Variants in MAJIN observed in about 807,000 individuals in gnomAD.
The protein encoded by MAJIN is membrane anchored junction protein, also known as membrane-anchored junction protein.
A neutral mutation model predicts 30.2 loss-of-function variants in MAJIN; 27 were observed. That is an observed-to-expected ratio of 0.89 (90% CI 0.66 to 1.23). MAJIN has a LOEUF of 1.23. MAJIN is among the 50% of genes most tolerant of loss of function. The pLI, the probability that MAJIN is intolerant of heterozygous loss-of-function variation, is 0.00. For missense variants in MAJIN, 253 were observed against 260.3 expected (o/e 0.97, Z 0.19); for synonymous variants, 78 against 91.6 (o/e 0.85, Z 0.85).
In MAJIN at chr11:64,958,529, G is replaced by A. The variant is rs144832230; in HGVS notation, c.101+776C>T. On this transcript the variant is annotated intron_variant, in intron 3 of 10. Coordinates refer to ENST00000301896, the MANE Select transcript of MAJIN (RefSeq NM_001037225.3). ...AGCTTCTCTGGAAGCTGAGGTGGGA[G>A]GATCCCTTGAGCCCAGCAGGTCAAG... Among the ~76,000 whole-genome samples the A allele has an allele frequency of 1.1e-3, 169 of 149,790 alleles. No homozygotes were observed. In the East Asian group the frequency reaches 0.029, roughly 25 times the overall value.
rs1407894081 is a variant in MAJIN at position 64,947,328 on chromosome 11, G to A, written c.473+46C>T. 8.5e-6 allele frequency: 13 copies of A among 1,524,582 alleles called. No homozygotes were observed. In the Admixed American group the frequency reaches 9.7e-5, roughly 11 times the overall value. 94.4% of individuals were successfully genotyped at this position (1,524,582 alleles called of 1,614,324 possible). On this transcript the variant is annotated intron_variant, in intron 8 of 10. Coordinates refer to ENST00000301896, the MANE Select transcript of MAJIN (RefSeq NM_001037225.3). Reference sequence around the variant, plus strand: ...TCAACCAACAGTAATAGCTGGCAAAGCCTAACTAGGACGCAGGAGCGAGCC... The same window carrying A: ...TCAACCAACAGTAATAGCTGGCAAAACCTAACTAGGACGCAGGAGCGAGCC...
At chr11:64,948,605 A>T (rs552824641) in intron 6 of MAJIN, among the ~76,000 whole-genome samples, 1,588 of 6,110 alleles carry the variant, frequency 0.26, 202 homozygotes, top group Non-Finnish European at 0.3. Context: ...GCTACATCAT[A>T]TATATATATA....
At chr11:64,956,672 A>G (rs1305379997) in intron 3 of MAJIN, among the ~76,000 whole-genome samples, 1 of 150,814 alleles carries the variant, frequency 6.6e-6, no homozygotes, top group African/African-American at 2.4e-5. Flanking sequence ...CGATTTGTCC[A>G]GTTTTGTCAC....
chr11:64,960,214 C>T (rs1945701378), intron 1 of MAJIN, 79 bp from the exon 2 acceptor site: 1 of 152,084 alleles, frequency 6.6e-6, no homozygotes, highest in African/African-American at 2.4e-5. Context: ...AGGATCAAAA[C>T]TAGTTATATA....
chr11:64,949,900 T>C, intron 5 of MAJIN, 32 bp from the exon 6 acceptor site: 1 of 1,597,600 alleles, frequency 6.3e-7, no homozygotes, highest in Non-Finnish European at 8.5e-7. Context: ...TAAGGAAAGA[T>C]GCCAGTATGC....
In MAJIN at chr11:64,959,367, C is replaced by T. The variant is rs1008583506; in HGVS notation, c.39G>A (p.Thr13=). Residue 13 remains threonine, a synonymous_variant, in exon 3 of 11, where the codon ACG becomes ACA. Coordinates refer to ENST00000301896, the MANE Select transcript of MAJIN (RefSeq NM_001037225.3). ...LKPFTYPFPE[T]RFLHAGPNVY... is the part of the protein sequence containing the mutation. ...CATTGGGTCCTGCATGAAGAAACCTCGTCTCTGGAAACGGGTAGGTAAAGG... is the reference window on the plus strand; with the variant it reads ...CATTGGGTCCTGCATGAAGAAACCTTGTCTCTGGAAACGGGTAGGTAAAGG... 5 of 1,613,900 alleles carry T rather than the reference C, an allele frequency of 3.1e-6. No homozygotes were observed. Among genetic ancestry groups the T allele is most frequent in the Admixed American group, 1.7e-5 (1 of 59,972 alleles).
intron 8 of MAJIN, among the ~76,000 whole-genome samples, chr11:64,946,819 A>G (rs773303506): frequency 3.3e-5 from 5 of 152,166 alleles, no homozygotes; most frequent in African/African-American, 7.2e-5. Context: ...AAAGAAGAAC[A>G]TAAGTAGCCT....
rs1565127014 is a variant in MAJIN, at chr11:64,948,622, T to TC, written c.350-804_350-803insG. Reference sequence around the variant, plus strand: ...TACATCATATATATATATATATATATATATATATATATATATATTTTTTTT... The same window carrying TC: ...TACATCATATATATATATATATATATCATATATATATATATATATTTTTTTT... On this transcript the variant is annotated intron_variant, in intron 6 of 10. Transcript: ENST00000301896. Among the ~76,000 whole-genome samples, 114 of 47,224 alleles carry TC rather than the reference T, an allele frequency of 2.4e-3. 9 individuals carry two copies. The highest frequency in any genetic ancestry group is 8.4e-3 in the African/African-American group (73 of 8,730). 31.0% of individuals were successfully genotyped at this position (47,224 alleles called of 152,430 possible). A position where few individuals can be genotyped will look rare whatever the true frequency, so the allele number is the denominator to read the frequency against.
intron 1 of MAJIN, among the ~76,000 whole-genome samples, chr11:64,966,164 A>AAGC (rs1438849033): frequency 6.6e-6 from 1 of 150,752 alleles, no homozygotes; most frequent in African/African-American, 2.4e-5. Flanking sequence ...AAAAAAAAAA[A>AAGC]AGCAGCAGCA....
intron 1 of MAJIN, among the ~76,000 whole-genome samples, chr11:64,963,351 C>T (rs1251566724): frequency 6.6e-6 from 1 of 152,164 alleles, no homozygotes; most frequent in Non-Finnish European, 1.5e-5. Context: ...TGGTAATTTG[C>T]TTCACATAAA....
chr11:64,938,780 C>CAG (rs150012989), intron 10 of MAJIN, among the ~76,000 whole-genome samples: 16 of 150,966 alleles, frequency 1.1e-4, no homozygotes, highest in South Asian at 8.3e-4. Flanking sequence ...AATGGGATGG[C>CAG]AGAGAGAGAG....
Position 64,938,370 on chromosome 11 carries a change from G to T in MAJIN, c.*205C>A. The stretch of plus-strand genomic sequence containing the variant: ...TGGGGGAAAAAATCTATTATAAAGG[G>T]GCAAAGGACACGATAAAACCACAGA... On this transcript the variant is annotated 3_prime_UTR_variant, in exon 11 of 11. Coordinates refer to ENST00000301896, the MANE Select transcript of MAJIN (RefSeq NM_001037225.3). 1 of 750,994 alleles carries T rather than the reference G, an allele frequency of 1.3e-6. No individual in the cohort carries two copies. The highest frequency in any genetic ancestry group is 2.7e-5 in the East Asian group (1 of 36,382). The allele number at this position is 750,994 out of a possible 1,614,324, so 46.5% of individuals were successfully genotyped here.
chr11:64,952,918 T>C (rs1203591146), intron 4 of MAJIN, among the ~76,000 whole-genome samples: 1 of 152,088 alleles, frequency 6.6e-6, no homozygotes, highest in Admixed American at 6.5e-5. Flanking sequence ...TTGGCCAGTC[T>C]GGTCTTAAAC....
chr11:64,966,944 A>G (rs114361292), intron 1 of MAJIN, among the ~76,000 whole-genome samples: 3,621 of 151,670 alleles, frequency 0.024, 128 homozygotes, highest in African/African-American at 0.077. Context: ...AAAAAAAAAA[A>G]AAAGAAAGAA....
intron 6 of MAJIN, among the ~76,000 whole-genome samples, chr11:64,948,948 C>T (rs895682340): frequency 5.4e-5 from 8 of 149,424 alleles, no homozygotes; most frequent in Non-Finnish European, 1.2e-4. Context: ...GCCACCATGC[C>T]CAGCCTGCAC....
intron 10 of MAJIN, among the ~76,000 whole-genome samples, chr11:64,939,354 C>T (rs538706936): frequency 3.1e-4 from 47 of 152,342 alleles, no homozygotes; most frequent in Non-Finnish European, 4.3e-4. Context: ...CCCGCCTTGG[C>T]CTCCCAAAGT....
At chr11:64,949,016 A>G (rs1328950508) in intron 6 of MAJIN, among the ~76,000 whole-genome samples, 1 of 150,958 alleles carries the variant, frequency 6.6e-6, no homozygotes, top group African/African-American at 2.4e-5. Context: ...AAAAACACCC[A>G]TGGCCTTCAG....
intron 3 of MAJIN, among the ~76,000 whole-genome samples, chr11:64,955,206 A>G (rs1268027239): frequency 1.3e-5 from 2 of 152,198 alleles, no homozygotes; most frequent in South Asian, 4.1e-4. Flanking sequence ...AAAATTGCCA[A>G]TGCCTTAAAA....
At chr11:64,947,862 T>C (rs929500328) in intron 6 of MAJIN, 43 bp from the exon 7 acceptor site, 2 of 1,489,020 alleles carry the variant, frequency 1.3e-6, no homozygotes, top group East Asian at 2.4e-5. Flanking sequence ...TTAAGACTTT[T>C]TTTTTTTTTT....
Sources: gnomAD v4.1 joint callset for allele counts (sites outside exome capture counted in the v4.1 genomes callset) on GRCh38, gnomAD v4.1.1 for gene constraint, MANE v1.5 for transcripts, NCBI Gene and HGNC (gene_info 2026-07-23, HGNC 2026-07-21) for gene names.